The following DPF2 variants were observed in gnomAD, a reference collection of about 807,000 sequenced individuals.
The protein encoded by DPF2 is double PHD fingers 2.
DPF2 carries 10 observed loss-of-function variants against 59.6 expected under a neutral mutation model. The observed-to-expected ratio is 0.17, with a 90% confidence interval of 0.10 to 0.28. DPF2 has a LOEUF of 0.28. Among genes scored for constraint, DPF2 ranks in the 10% least tolerant of loss-of-function variants. The pLI, the probability that DPF2 is intolerant of heterozygous loss-of-function variation, is 1.00. For missense variants in DPF2, 315 were observed against 509.4 expected (o/e 0.62, Z 3.67); for synonymous variants, 189 against 190.6 (o/e 0.99, Z 0.07).
intron 10 of DPF2, among the ~76,000 whole-genome samples, 178 bp downstream of exon 10, chr11:65,349,109 T>G (rs988514123): frequency 6.6e-6 from 1 of 152,208 alleles, no homozygotes; most frequent in African/African-American, 2.4e-5. Context: ...GTTTAGTGTT[T>G]GCACATTATC....
intron 1 of DPF2, among the ~76,000 whole-genome samples, chr11:65,338,115 T>A (rs1854260155): frequency 6.6e-6 from 1 of 152,112 alleles, no homozygotes; most frequent in African/African-American, 2.4e-5. Flanking sequence ...TTATTTTTAT[T>A]TTTTAACGTT....
At chr11:65,346,887 T>C (rs1459971343) in intron 9 of DPF2, 1 of 152,988 alleles carries the variant, frequency 6.5e-6, no homozygotes, top group African/African-American at 2.4e-5. Flanking sequence ...TGGGAGAGTA[T>C]GGTGGGCAAT....
chr11:65,341,191 G>T, intron 3 of DPF2, 118 bp downstream of exon 3: 3 of 1,290,940 alleles, frequency 2.3e-6, no homozygotes, highest in Non-Finnish European at 3.2e-6. Flanking sequence ...AATATGATGT[G>T]ATTCTTTCCT....
At chr11:65,337,504 TAGAGAG>T (rs1188984367) in intron 1 of DPF2, among the ~76,000 whole-genome samples, 304 of 21,324 alleles carry the variant, frequency 0.014, 2 homozygotes, top group African/African-American at 0.026. Flanking sequence ...TATATATATA[TAGAGAG>T]AGAGAGAGAG....
intron 4 of DPF2, among the ~76,000 whole-genome samples, chr11:65,342,910 C>T (rs892506255): frequency 1.3e-5 from 2 of 150,294 alleles, no homozygotes; most frequent in African/African-American, 2.5e-5. Context: ...GCTACTCAGG[C>T]GCAAACCCGG....
intron 9 of DPF2, chr11:65,348,022 A>G (rs1854587853): frequency 6.6e-6 from 1 of 152,350 alleles, no homozygotes; most frequent in Admixed American, 6.5e-5. Context: ...ATGGAGGCTC[A>G]TGCCTGTAAT....
intron 4 of DPF2, among the ~76,000 whole-genome samples, chr11:65,343,013 C>G (rs1854420152): frequency 6.7e-6 from 1 of 149,104 alleles, no homozygotes; most frequent in Middle Eastern, 3.5e-3. Context: ...AAAAAAACTT[C>G]CCATGGCCGG....
chr11:65,340,976 C>T lies in DPF2; in HGVS notation c.204C>T (p.Ser68=), dbSNP rs778752988. The T allele has an allele frequency of 6.8e-6, 11 of 1,614,054 alleles. No individual in the cohort carries two copies. The highest frequency in any genetic ancestry group is 2.2e-5 in the East Asian group (1 of 44,892). ...TTCTTCCTGCCACAGGATTGGCCTC[C>T]GGACAGCTGTACTCCTACCCTGCCC... ...EKRHRGPGLA[S]GQLYSYPARR... The change falls in exon 3 of 11, where the codon TCC becomes TCT. Residue 68 remains serine (S), a synonymous_variant. Coordinates refer to ENST00000528416, the MANE Select transcript of DPF2 (RefSeq NM_006268.5).
At chr11:65,350,612 G>T (rs1854668408) in intron 10 of DPF2, among the ~76,000 whole-genome samples, 1 of 150,744 alleles carries the variant, frequency 6.6e-6, no homozygotes, top group South Asian at 2.1e-4. Flanking sequence ...GAACTCCTGG[G>T]CTCAAGTGAT....
chr11:65,338,482 A>T (rs534801400), intron 1 of DPF2, among the ~76,000 whole-genome samples: 23 of 152,084 alleles, frequency 1.5e-4, no homozygotes, highest in Non-Finnish European at 2.6e-4. Flanking sequence ...CTTCCATTTG[A>T]CTTCCAGTGT....
At chr11:65,334,169 G>T (rs936573061) in intron 1 of DPF2, among the ~76,000 whole-genome samples, 1 of 152,192 alleles carries the variant, frequency 6.6e-6, no homozygotes, top group African/African-American at 2.4e-5. Context: ...TGGCCTCAGC[G>T]TTCCTCGGGG....
chr11:65,344,332 CCT>C, intron 6 of DPF2: 1 of 611,842 alleles, frequency 1.6e-6, no homozygotes, highest in South Asian at 2.0e-5. Flanking sequence ...GCAGGGTTGG[CCT>C]CTCAACAGAT....
At chr11:65,336,785 C>CAAA (rs751170058) in intron 1 of DPF2, among the ~76,000 whole-genome samples, 5 of 65,808 alleles carry the variant, frequency 7.6e-5, no homozygotes, top group Admixed American at 1.8e-4. Flanking sequence ...GACTCCATCT[C>CAAA]AAAAAAAAAA....
intron 1 of DPF2, among the ~76,000 whole-genome samples, chr11:65,338,689 G>A (rs887420539): frequency 6.6e-6 from 1 of 152,078 alleles, no homozygotes; most frequent in Non-Finnish European, 1.5e-5. Context: ...ATTGAATCAC[G>A]CCAGGCTATA....
rs1219335322 is a variant in DPF2 at position 65,343,793 on chromosome 11, T to A, written c.514T>A (p.Tyr172Asn). 6.3e-7 allele frequency: 1 copy of A among 1,596,462 alleles called. No homozygotes were observed. Among genetic ancestry groups the A allele is most frequent in the Non-Finnish European group, 8.5e-7 (1 of 1,171,494 alleles). ...DFLDDLDDED[Y>N]EEDTPKRRGK... ...CCTGGATGACCTCGATGATGAAGACTATGAAGAAGATACTCCCAAGCGTCG... is the reference window on the plus strand; with the variant it reads ...CCTGGATGACCTCGATGATGAAGACAATGAAGAAGATACTCCCAAGCGTCG... The change falls in exon 5 of 11, where the codon TAT (tyrosine) becomes AAT (asparagine). Residue 172 changes from tyrosine (Y) to asparagine (N), a missense_variant. This residue lies in a region of DPF2 where 228 missense variants were observed against 275.3 expected (regional missense o/e 0.83). Transcript: ENST00000528416.
At position 65,344,027 on chromosome 11, in the gene DPF2, GCTT is replaced by G; in HGVS notation, c.597_599del (p.Ser200del). 1.2e-6 allele frequency: 2 copies of G among 1,614,200 alleles called. No individual in the cohort carries two copies. Among genetic ancestry groups the G allele is most frequent in the Non-Finnish European group, 1.7e-6 (2 of 1,180,040 alleles). ...GGGCAGTGCCCGTAAGAAGCTGGAT[GCTT>G]CCATCCTGGAGGACCGGGATAAGCC... On this transcript the variant is annotated inframe_deletion, in exon 6 of 11. Transcript: ENST00000528416.
At chr11:65,335,864 A>G (rs1290931782) in intron 1 of DPF2, among the ~76,000 whole-genome samples, 4 of 151,676 alleles carry the variant, frequency 2.6e-5, no homozygotes, top group Non-Finnish European at 4.4e-5. Context: ...CCCGGGCTGG[A>G]ATGCAGTGGC....
chr11:65,338,472 C>T (rs1854272235), intron 1 of DPF2, among the ~76,000 whole-genome samples: 1 of 152,238 alleles, frequency 6.6e-6, no homozygotes, highest in Non-Finnish European at 1.5e-5. Flanking sequence ...CTGGCCCTGC[C>T]TTCCATTTGA....
chr11:65,337,500 T>TAGAG (rs1483370415), intron 1 of DPF2, among the ~76,000 whole-genome samples: 67 of 40,246 alleles, frequency 1.7e-3, no homozygotes, highest in East Asian at 5.6e-3. Flanking sequence ...TATATATATA[T>TAGAG]ATATAGAGAG....
Sources: allele counts gnomAD v4.1 joint callset (sites outside exome capture counted in the v4.1 genomes callset), GRCh38; gene constraint gnomAD v4.1.1; regional missense constraint gnomAD v4.1.1; transcripts MANE v1.5; gene names NCBI Gene and HGNC (gene_info 2026-07-23, HGNC 2026-07-21).